Variants in FBXO21 observed in about 807,000 individuals in gnomAD.
FBXO21 encodes F-box only protein 21.
In FBXO21, 32 loss-of-function variants were observed where a neutral mutation model predicts 76.6. The observed-to-expected ratio is 0.42, with a 90% CI of 0.32 to 0.56. The LOEUF (loss-of-function observed/expected upper bound fraction) is 0.56, where lower values mean the gene tolerates loss of function less well. FBXO21 is among the 20% of genes least tolerant of loss of function. The pLI is 0.16. For synonymous variants in FBXO21, 328 were observed against 311.5 expected, an observed-to-expected ratio of 1.05 and a Z score of -0.56; for missense variants, 586 against 797.3, an observed-to-expected ratio of 0.73 and a Z score of 3.19.
At chr12:117,175,204 A>C (rs1217418728) in intron 4 of FBXO21, among the ~76,000 whole-genome samples, 1 of 151,682 alleles carries the variant, frequency 6.6e-6, no homozygotes, top group East Asian at 1.9e-4. Flanking sequence ...CTTTAAAAAA[A>C]CAAAACAACA....
chr12:117,162,985 C>T (rs1324208544), intron 9 of FBXO21, among the ~76,000 whole-genome samples: 1 of 152,188 alleles, frequency 6.6e-6, no homozygotes, highest in South Asian at 2.1e-4. Flanking sequence ...TTCAGCACCC[C>T]CTGGCTTCTT....
intron 2 of FBXO21, chr12:117,189,008 T>C: frequency 1.7e-6 from 1 of 581,438 alleles, no homozygotes; most frequent in Non-Finnish European, 3.0e-6. Context: ...CCCCACTCTC[T>C]CTCTGGCTTT....
At chr12:117,161,913 C>T (rs1332393642) in intron 9 of FBXO21, among the ~76,000 whole-genome samples, 2 of 152,260 alleles carry the variant, frequency 1.3e-5, no homozygotes, top group African/African-American at 4.8e-5. Context: ...GGGCAAGATA[C>T]AGAAAGAAAA....
Position 117,190,310 on chromosome 12 carries a change from G to A in FBXO21, c.147C>T (p.Ala49=), listed in dbSNP as rs1332012512. Residue 49 remains alanine, a synonymous_variant, in exon 1 of 12, where the codon GCC becomes GCT. Transcript: ENST00000622495. ...EYILCCGSLT[A]ADIGRVSSTC... ...TGCTGGAGACACGGCCGATGTCGGCGGCCGTCAGCGAGCCGCAGCACAGGA... is the reference window on the plus strand; with the variant it reads ...TGCTGGAGACACGGCCGATGTCGGCAGCCGTCAGCGAGCCGCAGCACAGGA... 2.0e-6 allele frequency: 3 copies of A among 1,529,958 alleles called. No homozygotes were observed. Among genetic ancestry groups the A allele is most frequent in the Non-Finnish European group, 2.6e-6 (3 of 1,149,710 alleles). The allele number at this position is 1,529,958 out of a possible 1,614,324, so 94.8% of individuals were successfully genotyped here.
At chr12:117,174,411 C>T in intron 5 of FBXO21, 70 bp from the exon 6 acceptor site, 5 of 1,528,938 alleles carry the variant, frequency 3.3e-6, no homozygotes, top group Non-Finnish European at 3.6e-6. Flanking sequence ...AAACAACTCA[C>T]AACATGAAGA....
chr12:117,186,383 A>T, intron 3 of FBXO21, 94 bp downstream of exon 3: 1 of 844,846 alleles, frequency 1.2e-6, no homozygotes, highest in Non-Finnish European at 2.0e-6. Context: ...AAATATTTGG[A>T]ATCACATATT....
At chr12:117,147,781 G>A (rs1397342155) in intron 11 of FBXO21, among the ~76,000 whole-genome samples, 2 of 152,172 alleles carry the variant, frequency 1.3e-5, no homozygotes, top group Non-Finnish European at 2.9e-5. Flanking sequence ...CCTGATGCAG[G>A]AGAAGCCCAG....
chr12:117,150,571 A>G (rs1955825767), intron 11 of FBXO21, among the ~76,000 whole-genome samples: 1 of 152,226 alleles, frequency 6.6e-6, no homozygotes. Flanking sequence ...GGCTTATTCA[A>G]TTGCAGCTTA....
chr12:117,151,295 G>A (rs948225907), intron 11 of FBXO21, among the ~76,000 whole-genome samples: 3 of 152,024 alleles, frequency 2.0e-5, no homozygotes, highest in Admixed American at 1.3e-4. Flanking sequence ...CCCCCTTGTG[G>A]GAACACAACA....
chr12:117,142,167 A>G lies in FBXO21; in HGVS notation c.*3920T>C, dbSNP rs913073023. ...AACATTCAAGGTTAAAGTCGCTGCT[A>G]GACCAAGGCTAAACCGTGGCGAGGT... On this transcript the variant is annotated 3_prime_UTR_variant, in exon 12 of 12. Coordinates refer to ENST00000622495, the MANE Select transcript of FBXO21 (RefSeq NM_015002.3). 1 of 152,236 alleles carries G rather than the reference A, an allele frequency of 6.6e-6. No individual in the cohort carries two copies. The highest frequency in any genetic ancestry group is 1.5e-5 in the Non-Finnish European group (1 of 68,036). 9.4% of individuals were successfully genotyped at this position (152,236 alleles called of 1,614,324 possible).
chr12:117,150,297 T>C (rs1955822813), intron 11 of FBXO21, among the ~76,000 whole-genome samples: 1 of 152,164 alleles, frequency 6.6e-6, no homozygotes, highest in Non-Finnish European at 1.5e-5. Flanking sequence ...GAGAAATCTG[T>C]CTGCTTATTT....
rs1955758989 is a variant in FBXO21, at chr12:117,145,440, T to G, written c.*647A>C. The G allele has an allele frequency of 6.7e-6, 1 of 149,986 alleles. No individual in the cohort carries two copies. Among genetic ancestry groups the G allele is most frequent in the Non-Finnish European group, 1.5e-5 (1 of 67,370 alleles). 9.3% of individuals were successfully genotyped at this position (149,986 alleles called of 1,614,324 possible). On this transcript the variant is annotated 3_prime_UTR_variant, in exon 12 of 12. Coordinates refer to ENST00000622495, the MANE Select transcript of FBXO21 (RefSeq NM_015002.3). ...AGGAATATGGAAGGGAAAACTGTGT[T>G]ATATTCCCATTTAAATTTAAAAAAA...
intron 11 of FBXO21, among the ~76,000 whole-genome samples, chr12:117,149,563 T>C (rs1052028676): frequency 6.6e-6 from 1 of 152,172 alleles, no homozygotes; most frequent in Non-Finnish European, 1.5e-5. Context: ...ACATGTTTGG[T>C]TGTAACTGAG....
chr12:117,174,540 T>C (rs1277609260), intron 5 of FBXO21, 111 bp downstream of exon 5: 2 of 1,349,306 alleles, frequency 1.5e-6, no homozygotes, highest in Non-Finnish European at 2.1e-6. Flanking sequence ...GGTCACGTCA[T>C]TTTATCACTT....
At chr12:117,189,652 T>G (rs1049595804) in intron 1 of FBXO21, among the ~76,000 whole-genome samples, 2 of 152,096 alleles carry the variant, frequency 1.3e-5, no homozygotes, top group African/African-American at 4.8e-5. Context: ...GAGCGCCTCC[T>G]AGGAGCCGGG....
rs373645379 is a variant in FBXO21 at position 117,188,907 on chromosome 12, CA to C, written c.375+319del. ...GATTCCCCAAATAACGGAGGGGTTG[CA>C]AAAAAAATCCGTTGAACCCATTTGA... is the stretch of plus-strand genomic sequence containing the variant. On this transcript the variant is annotated intron_variant, in intron 2 of 11. Transcript: ENST00000622495. The C allele has an allele frequency of 3.9e-4, 99 of 254,216 alleles. 2 individuals carry two copies. The highest frequency in any genetic ancestry group is 1.5e-3 in the African/African-American group (68 of 45,628). 15.7% of individuals were successfully genotyped at this position (254,216 alleles called of 1,614,324 possible). A position where few individuals can be genotyped will look rare whatever the true frequency, so the allele number is the denominator to read the frequency against.
At chr12:117,162,068 C>T (rs1327923875) in intron 9 of FBXO21, among the ~76,000 whole-genome samples, 1 of 152,194 alleles carries the variant, frequency 6.6e-6, no homozygotes, top group Non-Finnish European at 1.5e-5. Flanking sequence ...CTAAGAGCTT[C>T]AGCTCTTGGG....
chr12:117,160,564 T>C (rs978871720), intron 9 of FBXO21, among the ~76,000 whole-genome samples: 5 of 152,222 alleles, frequency 3.3e-5, no homozygotes, highest in African/African-American at 7.2e-5. Context: ...TGGCATAAAC[T>C]GCCCCCGTGT....
Position 117,145,915 on chromosome 12 carries a change from G to A in FBXO21, c.*172C>T. The A allele has an allele frequency of 2.0e-6, 1 of 508,072 alleles. No homozygotes were observed. The highest frequency in any genetic ancestry group is 3.6e-5 in the South Asian group (1 of 27,874). The allele number at this position is 508,072 out of a possible 1,614,324, so 31.5% of individuals were successfully genotyped here. On this transcript the variant is annotated 3_prime_UTR_variant, in exon 12 of 12. Coordinates refer to ENST00000622495, the MANE Select transcript of FBXO21 (RefSeq NM_015002.3). Reference sequence around the variant, plus strand: ...GGCGGAGAGCAACATTGTCTTTGCAGCTGGGGAAGAGCACACGGTATTTAA... The same window carrying A: ...GGCGGAGAGCAACATTGTCTTTGCAACTGGGGAAGAGCACACGGTATTTAA...
Sources: gnomAD v4.1 joint callset for allele counts (sites outside exome capture counted in the v4.1 genomes callset) on GRCh38, gnomAD v4.1.1 for gene constraint, MANE v1.5 for transcripts, NCBI Gene and HGNC (gene_info 2026-07-23, HGNC 2026-07-21) for gene names.